Variants in CNTNAP2 observed in about 807,000 individuals in gnomAD.
The protein encoded by CNTNAP2 is contactin associated protein 2, also known as contactin-associated protein-like 2.
Under a neutral mutation model 155.2 loss-of-function variants are expected in CNTNAP2, and 98 were observed. The ratio of observed to expected loss-of-function variants is 0.63; its 90% CI spans 0.54 to 0.75. CNTNAP2 has a LOEUF of 0.75. CNTNAP2 is among the 30% of genes least tolerant of loss of function. The probability of loss-of-function intolerance (pLI) is 0.00; values close to 1 mark genes in which losing one functional copy is unlikely to be tolerated. For missense variants in CNTNAP2, 1,727 were observed against 1,688.1 expected, an observed-to-expected ratio of 1.02 and a Z score of -0.40; for synonymous variants, 651 against 631.2, an observed-to-expected ratio of 1.03 and a Z score of -0.47.
chr7:148,117,697 C>A (rs1160095061), intron 15 of CNTNAP2, among the ~76,000 whole-genome samples: 2 of 148,922 alleles, frequency 1.3e-5, no homozygotes, highest in African/African-American at 2.6e-5. Flanking sequence ...AGGGGCTTCT[C>A]CCAATTGTTG....
At chr7:146,841,190 C>T (rs142813987) in intron 3 of CNTNAP2, among the ~76,000 whole-genome samples, 177 of 152,150 alleles carry the variant, frequency 1.2e-3, no homozygotes, top group African/African-American at 3.6e-3. Flanking sequence ...TTTAAAGCTC[C>T]GATGGTGATG....
intron 1 of CNTNAP2, among the ~76,000 whole-genome samples, chr7:146,670,149 T>C (rs1368311000): frequency 6.6e-6 from 1 of 152,184 alleles, no homozygotes; most frequent in Non-Finnish European, 1.5e-5. Flanking sequence ...AACCAGATAC[T>C]ACTAGGCCAA....
Position 147,703,638 on chromosome 7 carries a change from G to T in CNTNAP2, c.2098+64332G>T, listed in dbSNP as rs555979705. Among the ~76,000 whole-genome samples, 132 of 152,246 alleles carry T rather than the reference G, an allele frequency of 8.7e-4. 1 individual carries two copies. Among genetic ancestry groups the T allele is most frequent in the Non-Finnish European group, 1.7e-3 (113 of 67,996 alleles). On this transcript the variant is annotated intron_variant, in intron 13 of 23. Coordinates refer to ENST00000361727, the MANE Select transcript of CNTNAP2 (RefSeq NM_014141.6). ...CGTGATATTTTGTTACATGCATAGA[G>T]GGTATAATGATCAAGTCAGAGTATT...
At position 146,946,469 on chromosome 7, in the gene CNTNAP2, T is replaced by C. The variant is rs571596035; in HGVS notation, c.403-97438T>C. ...TAAAAAATCTTCATTTCAAATAAAG[T>C]ATCCAAAACAAAAATTTGATTATTG... is the stretch of plus-strand genomic sequence containing the variant. On this transcript the variant is annotated intron_variant, in intron 3 of 23. Transcript: ENST00000361727. Among the ~76,000 whole-genome samples, 5 of 152,262 alleles carry C rather than the reference T, an allele frequency of 3.3e-5. No individual in the cohort carries two copies. In the East Asian group the frequency reaches 9.6e-4, roughly 29 times the overall value.
intron 1 of CNTNAP2, among the ~76,000 whole-genome samples, chr7:146,660,766 ATATCTTT>A (rs986934723): frequency 1.4e-4 from 21 of 152,198 alleles, no homozygotes; most frequent in Non-Finnish European, 2.5e-4. Flanking sequence ...AACAAATGTT[ATATCTTT>A]TATCTTTTAC....
At chr7:146,596,595 C>CAGGGAGAGAGAGAGAGAGAG (rs1798862285) in intron 1 of CNTNAP2, among the ~76,000 whole-genome samples, 1 of 104,978 alleles carries the variant, frequency 9.5e-6, no homozygotes, top group Admixed American at 1.1e-4. Context: ...AGAAGGGAGA[C>CAGGGAGAGAGAGAGAGAGAG]AGAGAGAGAG....
intron 10 of CNTNAP2, among the ~76,000 whole-genome samples, chr7:147,405,859 G>C (rs1316916621): frequency 1.3e-5 from 2 of 152,064 alleles, no homozygotes; most frequent in African/African-American, 4.8e-5. Context: ...AAATGAAGGT[G>C]ATACTATATG....
chr7:146,698,256 T>C (rs1291273409), intron 1 of CNTNAP2, among the ~76,000 whole-genome samples: 2 of 152,076 alleles, frequency 1.3e-5, no homozygotes, highest in Non-Finnish European at 2.9e-5. Flanking sequence ...TCTTAAATAC[T>C]CTTTCTTTAT....
rs763253891 is a variant in CNTNAP2 at position 147,376,591 on chromosome 7, A to T, written c.1499-19018A>T. The stretch of plus-strand genomic sequence containing the variant: ...GTGTTGTCTTAAAATATTTTTTGAC[A>T]CCTCATTTTTCTCAGTATCAGTGAG... On this transcript the variant is annotated intron_variant, in intron 9 of 23. Coordinates refer to ENST00000361727, the MANE Select transcript of CNTNAP2 (RefSeq NM_014141.6). Among the ~76,000 whole-genome samples the T allele has an allele frequency of 4.9e-4, 75 of 151,996 alleles. No homozygotes were observed. The Middle Eastern group carries it at 0.01, about 21-fold the overall frequency.
At chr7:146,425,764 A>G (rs535730838) in intron 1 of CNTNAP2, among the ~76,000 whole-genome samples, 2 of 152,312 alleles carry the variant, frequency 1.3e-5, no homozygotes, top group South Asian at 2.1e-4. Flanking sequence ...ACCTCATGTC[A>G]TTCTCTAAGT....
intron 8 of CNTNAP2, among the ~76,000 whole-genome samples, chr7:147,184,741 G>A (rs1377004965): frequency 6.6e-6 from 1 of 152,118 alleles, no homozygotes; most frequent in African/African-American, 2.4e-5. Context: ...AAGAAAGAAG[G>A]GGATGGGAGG....
chr7:147,032,069 G>A (rs118022206), intron 3 of CNTNAP2, among the ~76,000 whole-genome samples: 4,318 of 152,254 alleles, frequency 0.028, 77 homozygotes, highest in Non-Finnish European at 0.045. Context: ...TAGGGAGTGA[G>A]GGTCACGTGA....
chr7:147,836,935 A>T (rs984492015), intron 13 of CNTNAP2, among the ~76,000 whole-genome samples: 1 of 152,216 alleles, frequency 6.6e-6, no homozygotes, highest in African/African-American at 2.4e-5. Flanking sequence ...GAGTTTCTAA[A>T]TGAATTCATG....
intron 8 of CNTNAP2, among the ~76,000 whole-genome samples, chr7:147,172,284 C>G (rs1229640874): frequency 6.6e-6 from 1 of 152,116 alleles, no homozygotes; most frequent in African/African-American, 2.4e-5. Context: ...ACCTAAATCA[C>G]ATTTATTCCA....
At chr7:147,050,615 A>G (rs1327540889) in intron 4 of CNTNAP2, among the ~76,000 whole-genome samples, 3 of 152,222 alleles carry the variant, frequency 2.0e-5, no homozygotes, top group South Asian at 2.1e-4. Context: ...GCACGTCTGC[A>G]TCTCTAGTGA....
At chr7:148,318,154 T>C (rs1435988742) in intron 21 of CNTNAP2, among the ~76,000 whole-genome samples, 1 of 152,166 alleles carries the variant, frequency 6.6e-6, no homozygotes, top group Non-Finnish European at 1.5e-5. Context: ...CTGCCTCTGA[T>C]AGAGCCTAGA....
intron 1 of CNTNAP2, among the ~76,000 whole-genome samples, chr7:146,220,408 T>C (rs1451467769): frequency 1.3e-5 from 2 of 152,286 alleles, no homozygotes; most frequent in East Asian, 3.9e-4. Context: ...AGTATGATAG[T>C]TGCAGGAAGG....
intron 1 of CNTNAP2, among the ~76,000 whole-genome samples, chr7:146,260,109 C>A (rs545126912): frequency 6.6e-6 from 1 of 152,286 alleles, no homozygotes; most frequent in Admixed American, 6.5e-5. Flanking sequence ...GGTGCAAGCC[C>A]CAAGCCTTGG....
At chr7:148,322,531 T>A (rs1262193906) in intron 21 of CNTNAP2, among the ~76,000 whole-genome samples, 1 of 152,234 alleles carries the variant, frequency 6.6e-6, no homozygotes, top group African/African-American at 2.4e-5. Context: ...TAAAACTGGA[T>A]GCTAAAGAAA....
Sources: gnomAD v4.1 joint callset for allele counts (sites outside exome capture counted in the v4.1 genomes callset) on GRCh38, gnomAD v4.1.1 for gene constraint, MANE v1.5 for transcripts, NCBI Gene and HGNC (gene_info 2026-07-23, HGNC 2026-07-21) for gene names.